Variants in PRKX observed in about 807,000 individuals in gnomAD.
PRKX encodes protein kinase cAMP-dependent X-linked catalytic subunit, also known as cAMP-dependent protein kinase catalytic subunit PRKX.
A neutral mutation model predicts 22.0 loss-of-function variants in PRKX; 12 were observed. The observed-to-expected ratio is 0.54, with a 90% confidence interval of 0.35 to 0.88. PRKX has a LOEUF of 0.88. Among genes scored for constraint, PRKX ranks in the 40% least tolerant of loss-of-function variants. The pLI, the probability that PRKX is intolerant of heterozygous loss-of-function variation, is 0.01. For missense variants in PRKX, 217 were observed against 308.0 expected (o/e 0.70, Z 2.21); for synonymous variants, 134 against 137.7 (o/e 0.97, Z 0.19).
At chrX:3,638,606 C>G (rs1452920272) in intron 4 of PRKX, among the ~76,000 whole-genome samples, 1 of 111,422 alleles carries the variant, frequency 9.0e-6, no homozygotes, top group African/African-American at 3.3e-5. Flanking sequence ...AAGTTTGGTT[C>G]TATATGACTT....
chrX:3,711,096 G>A (rs1054841265), intron 1 of PRKX, among the ~76,000 whole-genome samples: 1 of 111,360 alleles, frequency 9.0e-6, no homozygotes, highest in Admixed American at 9.6e-5. Flanking sequence ...TTGGATAAAA[G>A]GTTGCAGATA....
intron 2 of PRKX, among the ~76,000 whole-genome samples, chrX:3,668,785 T>A (rs1276250310): frequency 1.8e-5 from 2 of 112,395 alleles, no homozygotes; most frequent in African/African-American, 6.5e-5. Context: ...AGCCAATCAA[T>A]CATGACAGAA....
At chrX:3,640,187 G>A (rs1927045639) in intron 4 of PRKX, among the ~76,000 whole-genome samples, 2 of 109,181 alleles carry the variant, frequency 1.8e-5, no homozygotes, top group African/African-American at 6.7e-5. Context: ...AAGAAAGAAG[G>A]AAACAGGAAA....
intron 7 of PRKX, among the ~76,000 whole-genome samples, chrX:3,612,878 C>T (rs1020975477): frequency 8.2e-5 from 9 of 109,995 alleles, no homozygotes; most frequent in South Asian, 3.9e-4. Context: ...GCTGGCTAGG[C>T]GCAGTGGCTC....
chrX:3,677,782 G>A lies in PRKX; in HGVS notation c.167-3016C>T, dbSNP rs186220066. 3.7e-3 allele frequency among the ~76,000 whole-genome samples: 416 copies of A among 111,384 alleles called. 2 individuals carry two copies. Among genetic ancestry groups the A allele is most frequent in the African/African-American group, 0.013 (395 of 30,667 alleles). ...CCTTTGCTTTTTAAGTGAAGTTTCCGATACTGAATATTTTATTATGGCAGA... is the reference window on the plus strand; with the variant it reads ...CCTTTGCTTTTTAAGTGAAGTTTCCAATACTGAATATTTTATTATGGCAGA... On this transcript the variant is annotated intron_variant, in intron 1 of 8. Transcript: ENST00000262848.
intron 2 of PRKX, among the ~76,000 whole-genome samples, chrX:3,666,988 A>C (rs1252193579): frequency 1.8e-5 from 2 of 110,862 alleles, no homozygotes; most frequent in Non-Finnish European, 3.8e-5. Flanking sequence ...AAAAAAATTA[A>C]ATTTTAAAGA....
intron 2 of PRKX, among the ~76,000 whole-genome samples, chrX:3,656,677 C>T (rs755902494): frequency 4.0e-4 from 45 of 111,202 alleles, no homozygotes; most frequent in South Asian, 7.6e-4. Flanking sequence ...GATGCTAAGA[C>T]GTGTGTAGAT....
intron 1 of PRKX, among the ~76,000 whole-genome samples, chrX:3,686,568 T>G (rs1236001176): frequency 1.8e-5 from 2 of 109,013 alleles, no homozygotes; most frequent in Non-Finnish European, 3.8e-5. Flanking sequence ...AAATCTTTTT[T>G]TTTTTTTGAG....
In PRKX at chrX:3,615,011, A is replaced by ATTTTTTTTT. The variant is rs761643511; in HGVS notation, c.951+795_951+803dup. On this transcript the variant is annotated intron_variant, in intron 7 of 8. Coordinates refer to ENST00000262848, the MANE Select transcript of PRKX (RefSeq NM_005044.5). ...TATTATACATTGAAAAAAATGCCAG[A>ATTTTTTTTT]TTTTTTTTTTTTTTTTTTTTTTTTT... 1.2e-3 allele frequency among the ~76,000 whole-genome samples: 73 copies of ATTTTTTTTT among 59,749 alleles called. 3 individuals are homozygous for ATTTTTTTTT. Among genetic ancestry groups the ATTTTTTTTT allele is most frequent in the African/African-American group, 5.4e-3 (71 of 13,207 alleles). 51.9% of individuals were successfully genotyped at this position (59,749 alleles called of 115,157 possible).
At position 3,652,637 on chromosome X, in the gene PRKX, G is replaced by GT. The variant is rs368859878; in HGVS notation, c.599+2511dup. On this transcript the variant is annotated intron_variant, in intron 3 of 8. Transcript: ENST00000262848. Reference sequence around the variant, plus strand: ...GGATAACTGTTTTCTCCTCAATGGAGTATGTGTGTGTACGGAAACATATCT... The same window carrying GT: ...GGATAACTGTTTTCTCCTCAATGGAGTTATGTGTGTGTACGGAAACATATCT... Among the ~76,000 whole-genome samples the GT allele has an allele frequency of 6.4e-3, 715 of 111,959 alleles. 6 individuals are homozygous for GT. The highest frequency in any genetic ancestry group is 0.022 in the African/African-American group (681 of 30,871).
At chrX:3,622,830 C>A (rs1926584689) in intron 5 of PRKX, among the ~76,000 whole-genome samples, 1 of 107,701 alleles carries the variant, frequency 9.3e-6, no homozygotes, top group South Asian at 4.1e-4. Flanking sequence ...TGACATGCTC[C>A]CCCCTGCCAA....
At chrX:3,710,532 C>T (rs1332635999) in intron 1 of PRKX, among the ~76,000 whole-genome samples, 16 of 111,304 alleles carry the variant, frequency 1.4e-4, no homozygotes, top group South Asian at 3.8e-4. Flanking sequence ...CCACCACGCC[C>T]GGCTAATTTT....
In PRKX at chrX:3,605,652, T is replaced by C; in HGVS notation, c.*3317A>G. The C allele has an allele frequency of 8.9e-6, 1 of 112,450 alleles. No homozygotes were observed. The highest frequency in any genetic ancestry group is 3.7e-4 in the South Asian group (1 of 2,702). The allele number at this position is 112,450 out of a possible 1,213,427, so 9.3% of individuals were successfully genotyped here. A position where few individuals can be genotyped will look rare whatever the true frequency, so the allele number is the denominator to read the frequency against. ...TCAAATGATTTGGTGTTTTTGTTCTTGTTTTTGCTTTTTCTTCAAAGCAAA... is the reference window on the plus strand; with the variant it reads ...TCAAATGATTTGGTGTTTTTGTTCTCGTTTTTGCTTTTTCTTCAAAGCAAA... On this transcript the variant is annotated 3_prime_UTR_variant, in exon 9 of 9. Transcript: ENST00000262848.
At chrX:3,652,151 G>A (rs1310691120) in intron 3 of PRKX, among the ~76,000 whole-genome samples, 4 of 110,846 alleles carry the variant, frequency 3.6e-5, no homozygotes, top group Non-Finnish European at 3.8e-5. Flanking sequence ...GGGTGCGGTG[G>A]CTCACACCTG....
chrX:3,653,441 G>T, intron 3 of PRKX, among the ~76,000 whole-genome samples: 1 of 109,040 alleles, frequency 9.2e-6, no homozygotes, highest in Middle Eastern at 4.8e-3. Flanking sequence ...CGCACTGGCT[G>T]AGACGACATG....
chrX:3,639,432 T>TA (rs1927005309), intron 4 of PRKX, among the ~76,000 whole-genome samples: 1 of 8,815 alleles, frequency 1.1e-4, no homozygotes, highest in African/African-American at 4.3e-4. Flanking sequence ...GATGAAGGGG[T>TA]GGGGGTGGAT....
intron 3 of PRKX, among the ~76,000 whole-genome samples, chrX:3,643,062 A>G (rs1452840474): frequency 9.8e-6 from 1 of 102,158 alleles, no homozygotes; most frequent in Non-Finnish European, 2.0e-5. Flanking sequence ...CTTGTAACTG[A>G]GACTGGATGG....
At chrX:3,696,669 C>T (rs1928448030) in intron 1 of PRKX, among the ~76,000 whole-genome samples, 1 of 112,375 alleles carries the variant, frequency 8.9e-6, no homozygotes, top group African/African-American at 3.2e-5. Context: ...ACTACCATAA[C>T]TCAAACCATC....
intron 4 of PRKX, 29 bp from the exon 5 acceptor site, chrX:3,626,543 G>A: frequency 9.3e-7 from 1 of 1,080,985 alleles, no homozygotes; most frequent in East Asian, 3.0e-5. Flanking sequence ...TGTATTTTTA[G>A]TGGGGAGTAA....
Sources: allele counts gnomAD v4.1 joint callset (sites outside exome capture counted in the v4.1 genomes callset), GRCh38; gene constraint gnomAD v4.1.1; transcripts MANE v1.5; gene names NCBI Gene and HGNC (gene_info 2026-07-23, HGNC 2026-07-21).